The following ZNF614 variants were observed in gnomAD, a reference collection of about 807,000 sequenced individuals.
The protein encoded by ZNF614 is zinc finger protein 614.
ZNF614 carries 11 observed loss-of-function variants against 12.8 expected under a neutral mutation model. The ratio of observed to expected loss-of-function variants is 0.86; its 90% CI spans 0.54 to 1.43. The LOEUF (loss-of-function observed/expected upper bound fraction) is 1.43. Among genes scored for constraint, ZNF614 ranks in the 40% most tolerant of loss-of-function variants. ZNF614 has a pLI of 0.00. For missense variants in ZNF614, 664 were observed against 708.8 expected (o/e 0.94, Z 0.72); for synonymous variants, 237 against 237.5 (o/e 1.00, Z 0.02).
At position 52,014,360 on chromosome 19, in the gene ZNF614, C is replaced by G. The variant is rs892472876; in HGVS notation, c.*1480G>C. ...TGCAGTGCAAGTTAGTTAGTGCAGT[C>G]TAAATTAGTGCAGACTCCACAAGTT... On this transcript the variant is annotated 3_prime_UTR_variant, in exon 5 of 5. Transcript: ENST00000270649. 5.9e-5 allele frequency: 9 copies of G among 152,140 alleles called. No homozygotes were observed. Among genetic ancestry groups the G allele is most frequent in the Non-Finnish European group, 1.2e-4 (8 of 68,030 alleles). The allele number at this position is 152,140 out of a possible 1,614,324, so 9.4% of individuals were successfully genotyped here.
chr19:52,019,654 A>G (rs2086922071), intron 2 of ZNF614, among the ~76,000 whole-genome samples: 1 of 152,250 alleles, frequency 6.6e-6, no homozygotes, highest in African/African-American at 2.4e-5. Context: ...TATGGAATAC[A>G]ATCTTCAAAG....
At chr19:52,023,200 G>A (rs1377946009) in intron 2 of ZNF614, among the ~76,000 whole-genome samples, 3 of 146,980 alleles carry the variant, frequency 2.0e-5, no homozygotes, top group African/African-American at 5.1e-5. Context: ...ATGGAGTATC[G>A]CTCTGTCACC....
At chr19:52,020,844 T>C (rs1166293343) in intron 2 of ZNF614, among the ~76,000 whole-genome samples, 2 of 152,218 alleles carry the variant, frequency 1.3e-5, no homozygotes, top group East Asian at 3.9e-4. Context: ...ACTTGGGTAA[T>C]TACAAGGGTT....
chr19:52,027,594 T>TTG (rs888211792), intron 1 of ZNF614, among the ~76,000 whole-genome samples: 122 of 151,726 alleles, frequency 8.0e-4, no homozygotes, highest in East Asian at 4.6e-3. Context: ...AGGCAGTCAA[T>TTG]TGTGTGTGTG....
chr19:52,023,927 A>T (rs761558812), intron 2 of ZNF614, among the ~76,000 whole-genome samples: 1 of 152,102 alleles, frequency 6.6e-6, no homozygotes, highest in Non-Finnish European at 1.5e-5. Flanking sequence ...CCAACCCCTG[A>T]CCTCTGTGGA....
Position 52,025,814 on chromosome 19 carries a change from G to A in ZNF614, c.-69C>T. The A allele has an allele frequency of 6.5e-7, 1 of 1,540,616 alleles. No homozygotes were observed. Among genetic ancestry groups the A allele is most frequent in the Non-Finnish European group, 8.9e-7 (1 of 1,128,634 alleles). The stretch of plus-strand genomic sequence containing the variant: ...TCTTTGTCTCTTCTGCATTTGCCAT[G>A]AAGTTTTTGAAGTTTTCCTAGTCAG... On this transcript the variant is annotated 5_prime_UTR_variant, in exon 2 of 5. Coordinates refer to ENST00000270649, the MANE Select transcript of ZNF614 (RefSeq NM_025040.4).
intron 3 of ZNF614, 43 bp from the exon 4 acceptor site, chr19:52,018,146 T>G (rs1484080030): frequency 3.3e-6 from 5 of 1,538,062 alleles, no homozygotes; most frequent in Non-Finnish European, 3.6e-6. Context: ...TGAATTGGAG[T>G]CCAGTATGTC....
At chr19:52,018,755 T>C (rs974607351) in intron 2 of ZNF614, among the ~76,000 whole-genome samples, 3 of 152,340 alleles carry the variant, frequency 2.0e-5, no homozygotes, top group East Asian at 1.9e-4. Context: ...CTGTCATGAA[T>C]AGACTTCACA....
intron 2 of ZNF614, among the ~76,000 whole-genome samples, chr19:52,021,976 T>C (rs2086935430): frequency 1.3e-5 from 2 of 151,954 alleles, no homozygotes; most frequent in South Asian, 2.1e-4. Context: ...ACAGAATAAA[T>C]AATCCAAAGA....
intron 1 of ZNF614, among the ~76,000 whole-genome samples, chr19:52,027,586 G>A (rs2086983495): frequency 6.6e-6 from 1 of 152,174 alleles, no homozygotes; most frequent in African/African-American, 2.4e-5. Context: ...AGCCTCATAG[G>A]CAGTCAATTG....
chr19:52,015,826 T>C lies in ZNF614; in HGVS notation c.*14A>G. 2 of 1,588,052 alleles carry C rather than the reference T, an allele frequency of 1.3e-6. No individual in the cohort carries two copies. Among genetic ancestry groups the C allele is most frequent in the Non-Finnish European group, 1.7e-6 (2 of 1,167,876 alleles). On this transcript the variant is annotated 3_prime_UTR_variant, in exon 5 of 5. Coordinates refer to ENST00000270649, the MANE Select transcript of ZNF614 (RefSeq NM_025040.4). Reference sequence around the variant, plus strand: ...CATAGTCACGGCACTAGTAGGGTTTTCTTCTGCATGAGTTCACTTATAAGG... The same window carrying C: ...CATAGTCACGGCACTAGTAGGGTTTCCTTCTGCATGAGTTCACTTATAAGG...
chr19:52,021,741 A>C (rs2086934303), intron 2 of ZNF614, among the ~76,000 whole-genome samples: 1 of 152,030 alleles, frequency 6.6e-6, no homozygotes, highest in Non-Finnish European at 1.5e-5. Flanking sequence ...AAATAAAGAA[A>C]AAAAAAAAAG....
chr19:52,021,136 A>C (rs1447905459), intron 2 of ZNF614, among the ~76,000 whole-genome samples: 1 of 143,918 alleles, frequency 6.9e-6, no homozygotes. Context: ...GGCTTTGACA[A>C]ACAGACAGGT....
chr19:52,024,523 T>G (rs1469300055), intron 2 of ZNF614, among the ~76,000 whole-genome samples: 1 of 151,910 alleles, frequency 6.6e-6, no homozygotes, highest in Non-Finnish European at 1.5e-5. Context: ...ACTGTGTCTA[T>G]GTAGAAAGAA....
chr19:52,017,058 A>C lies in ZNF614; in HGVS notation c.540T>G (p.Ser180=), dbSNP rs1436074744. 1 of 1,614,136 alleles carries C rather than the reference A, an allele frequency of 6.2e-7. No individual in the cohort carries two copies. Among genetic ancestry groups the C allele is most frequent in the Non-Finnish European group, 8.5e-7 (1 of 1,180,020 alleles). Residue 180 remains serine, a synonymous_variant, in exon 5 of 5, where the codon TCT becomes TCG. Transcript: ENST00000270649. ...TAGTATGGATACATTTTGCATTTTC[A>C]GAAAATCTAGTTTTAGTATGCGTAC... ...HERTHTKTRF[S]ENAKCIHTKF...
In ZNF614 at chr19:52,015,651, C is replaced by T. The variant is rs1016795055; in HGVS notation, c.*189G>A. ...ACCACTAAAGGCACTACCTTATTTACTGTATTCATCAAATTGATCTCTAGG... is the reference window on the plus strand; with the variant it reads ...ACCACTAAAGGCACTACCTTATTTATTGTATTCATCAAATTGATCTCTAGG... On this transcript the variant is annotated 3_prime_UTR_variant, in exon 5 of 5. Coordinates refer to ENST00000270649, the MANE Select transcript of ZNF614 (RefSeq NM_025040.4). The T allele has an allele frequency of 8.9e-6, 5 of 564,806 alleles. No homozygotes were observed. The highest frequency in any genetic ancestry group is 1.6e-5 in the Non-Finnish European group (5 of 320,644). 35.0% of individuals were successfully genotyped at this position (564,806 alleles called of 1,614,324 possible). A position where few individuals can be genotyped will look rare whatever the true frequency, so the allele number is the denominator to read the frequency against.
intron 2 of ZNF614, among the ~76,000 whole-genome samples, chr19:52,024,820 C>T (rs2123128400): frequency 6.6e-6 from 1 of 152,310 alleles, no homozygotes; most frequent in African/African-American, 2.4e-5. Context: ...AGGTATTGTC[C>T]AAGGTTTCTT....
intron 2 of ZNF614, among the ~76,000 whole-genome samples, chr19:52,022,352 G>A (rs1163926730): frequency 1.3e-5 from 2 of 150,512 alleles, no homozygotes; most frequent in Non-Finnish European, 3.0e-5. Context: ...CACCATCTGG[G>A]AAGTGAGGAG....
chr19:52,014,683 C>T lies in ZNF614; in HGVS notation c.*1157G>A, dbSNP rs2086886090. 6.6e-6 allele frequency: 1 copy of T among 152,142 alleles called. No homozygotes were observed. The allele number at this position is 152,142 out of a possible 1,614,324, so 9.4% of individuals were successfully genotyped here. Reference sequence around the variant, plus strand: ...ACCCTCTTGGGCTATTTGGAGTTCTCTTAATCTCATTGTCTAATCTAATCT... The same window carrying T: ...ACCCTCTTGGGCTATTTGGAGTTCTTTTAATCTCATTGTCTAATCTAATCT... On this transcript the variant is annotated 3_prime_UTR_variant, in exon 5 of 5. Coordinates refer to ENST00000270649, the MANE Select transcript of ZNF614 (RefSeq NM_025040.4).
Sources: gnomAD v4.1 joint callset for allele counts (sites outside exome capture counted in the v4.1 genomes callset) on GRCh38, gnomAD v4.1.1 for gene constraint, MANE v1.5 for transcripts, NCBI Gene and HGNC (gene_info 2026-07-23, HGNC 2026-07-21) for gene names.